Variants in POT1 observed in about 807,000 individuals in gnomAD.
POT1 encodes protection of telomeres protein 1.
POT1 carries 47 observed loss-of-function variants against 78.5 expected under a neutral mutation model. The observed-to-expected ratio is 0.60, with a 90% CI of 0.47 to 0.76. The LOEUF (loss-of-function observed/expected upper bound fraction) is 0.76. Among genes scored for constraint, POT1 ranks in the 30% least tolerant of loss-of-function variants. The pLI is 0.00. For synonymous variants in POT1, 259 were observed against 260.7 expected (o/e 0.99, Z 0.06); for missense variants, 646 against 749.9 (o/e 0.86, Z 1.62).
chr7:124,917,938 G>A (rs999803878), intron 2 of POT1, among the ~76,000 whole-genome samples: 3 of 152,048 alleles, frequency 2.0e-5, no homozygotes, highest in African/African-American at 7.2e-5. Context: ...GTAGGGGAGG[G>A]GAGGCATTAA....
intron 14 of POT1, 36 bp downstream of exon 14, chr7:124,840,937 G>A (rs1226265873): frequency 1.4e-6 from 2 of 1,460,612 alleles, no homozygotes; most frequent in Non-Finnish European, 1.9e-6. Flanking sequence ...TATGCAAAAG[G>A]AGTATTCTAA....
chr7:124,848,925 T>G (rs1795237265), intron 11 of POT1, among the ~76,000 whole-genome samples: 1 of 152,168 alleles, frequency 6.6e-6, no homozygotes, highest in African/African-American at 2.4e-5. Context: ...GATTTTACTC[T>G]AACAAGAAAG....
intron 17 of POT1, among the ~76,000 whole-genome samples, chr7:124,826,103 T>C (rs1794623885): frequency 6.6e-6 from 1 of 152,168 alleles, no homozygotes; most frequent in African/African-American, 2.4e-5. Context: ...TGGTATCAGC[T>C]TGATCTCAAG....
At chr7:124,847,707 T>G (rs1239271453) in intron 11 of POT1, among the ~76,000 whole-genome samples, 1 of 152,108 alleles carries the variant, frequency 6.6e-6, no homozygotes, top group Non-Finnish European at 1.5e-5. Flanking sequence ...GAAAAATAGA[T>G]CAACTGAATT....
chr7:124,851,822 CTATTT>C (rs1456400175), intron 11 of POT1, 45 bp downstream of exon 11: 1 of 1,243,150 alleles, frequency 8.0e-7, no homozygotes, highest in Non-Finnish European at 1.2e-6. Context: ...GTTGATAAAA[CTATTT>C]TATTTAGCAA....
At chr7:124,882,995 TA>T (rs1156507158) in intron 6 of POT1, among the ~76,000 whole-genome samples, 5 of 152,022 alleles carry the variant, frequency 3.3e-5, no homozygotes, top group Admixed American at 3.3e-4. Context: ...GAAAACAGTA[TA>T]AGTAAGCTGA....
At position 124,822,872 on chromosome 7, in the gene POT1, A is replaced by G. The variant is rs1794539082; in HGVS notation, c.*1090T>C. 2 of 183,752 alleles carry G rather than the reference A, an allele frequency of 1.1e-5. No individual in the cohort carries two copies. Among genetic ancestry groups the G allele is most frequent in the Non-Finnish European group, 2.4e-5 (2 of 83,664 alleles). The allele number at this position is 183,752 out of a possible 1,614,324, so 11.4% of individuals were successfully genotyped here. A position where few individuals can be genotyped will look rare whatever the true frequency, so the allele number is the denominator to read the frequency against. On this transcript the variant is annotated 3_prime_UTR_variant, in exon 19 of 19. Coordinates refer to ENST00000357628, the MANE Select transcript of POT1 (RefSeq NM_015450.3). ...TGTTAAAAGTATTTTGAAACTATAG[A>G]AAAACACACTGACTCCTCTTATAAT... is the stretch of plus-strand genomic sequence containing the variant.
intron 3 of POT1, among the ~76,000 whole-genome samples, chr7:124,901,790 T>A (rs1796626603): frequency 1.3e-5 from 2 of 152,080 alleles, no homozygotes; most frequent in African/African-American, 4.8e-5. Context: ...TGAAAACAGA[T>A]TAGACGAATG....
intron 3 of POT1, among the ~76,000 whole-genome samples, chr7:124,903,415 GA>G (rs1796674653): frequency 1.3e-5 from 2 of 152,192 alleles, no homozygotes; most frequent in African/African-American, 4.8e-5. Context: ...ACCTGCTCCT[GA>G]ATGGACTACT....
At chr7:124,853,228 T>C (rs1795359151) in intron 9 of POT1, 90 bp from the exon 10 acceptor site, 1 of 945,108 alleles carries the variant, frequency 1.1e-6, no homozygotes, top group African/African-American at 1.7e-5. Context: ...ATGGGGCCAA[T>C]GAGGGCACTG....
chr7:124,850,312 T>G (rs1164392852), intron 11 of POT1, among the ~76,000 whole-genome samples: 1 of 152,252 alleles, frequency 6.6e-6, no homozygotes, highest in African/African-American at 2.4e-5. Context: ...TGTCTTGCTT[T>G]GTCATCAGTT....
chr7:124,853,175 A>G, intron 9 of POT1, 37 bp from the exon 10 acceptor site: 2 of 1,452,640 alleles, frequency 1.4e-6, no homozygotes, highest in Non-Finnish European at 1.9e-6. Context: ...GAAAGTGGGG[A>G]AAAATTAAAA....
At chr7:124,914,136 G>A (rs375685157) in intron 3 of POT1, among the ~76,000 whole-genome samples, 139 of 111,090 alleles carry the variant, frequency 1.3e-3, no homozygotes, top group East Asian at 1.7e-3. Context: ...CTCTGTCTCA[G>A]AAAAAAAAAA....
At position 124,840,958 on chromosome 7, in the gene POT1, AC is replaced by A; in HGVS notation, c.1369+14del. ...AAAGGAGTATTCTAACAAAACAGTG[AC>A]TTAAATATCTTACCTTCTATCAAAA... is the stretch of plus-strand genomic sequence containing the variant. On this transcript the variant is annotated intron_variant, in intron 14 of 18. Transcript: ENST00000357628. The A allele has an allele frequency of 6.4e-7, 1 of 1,562,936 alleles. No individual in the cohort carries two copies.
intron 8 of POT1, among the ~76,000 whole-genome samples, chr7:124,862,548 G>A (rs1378745219): frequency 2.2e-4 from 33 of 152,128 alleles, no homozygotes; most frequent in Admixed American, 2.0e-3. Context: ...ATTTTCAACT[G>A]CTAGAACTTT....
intron 6 of POT1, among the ~76,000 whole-genome samples, chr7:124,871,412 G>A (rs1266744569): frequency 1.3e-5 from 2 of 152,044 alleles, no homozygotes; most frequent in African/African-American, 4.8e-5. Flanking sequence ...TGAAAACAAA[G>A]GCTAAGATAT....
At chr7:124,869,199 A>G (rs1199072703) in intron 7 of POT1, among the ~76,000 whole-genome samples, 1 of 152,188 alleles carries the variant, frequency 6.6e-6, no homozygotes, top group Non-Finnish European at 1.5e-5. Context: ...AAATTTTCCA[A>G]AATACTTATT....
intron 9 of POT1, among the ~76,000 whole-genome samples, chr7:124,855,369 A>T (rs1356735306): frequency 6.6e-6 from 1 of 151,844 alleles, no homozygotes; most frequent in Non-Finnish European, 1.5e-5. Flanking sequence ...TGTTTATTAT[A>T]CTATCTTGTC....
intron 3 of POT1, among the ~76,000 whole-genome samples, chr7:124,906,666 T>C (rs1035867568): frequency 4.0e-5 from 6 of 151,868 alleles, no homozygotes; most frequent in Non-Finnish European, 7.4e-5. Flanking sequence ...AATAAAATAA[T>C]GTCTTATTCA....
Sources: allele counts gnomAD v4.1 joint callset (sites outside exome capture counted in the v4.1 genomes callset), GRCh38; gene constraint gnomAD v4.1.1; transcripts MANE v1.5; gene names NCBI Gene and HGNC (gene_info 2026-07-23, HGNC 2026-07-21).